The following VOPP1 variants were observed in gnomAD, a reference collection of about 807,000 sequenced individuals.
The protein encoded by VOPP1 is WW domain binding protein VOPP1.
A neutral mutation model predicts 23.5 loss-of-function variants in VOPP1; 8 were observed. That is an observed-to-expected ratio of 0.34 (90% CI 0.20 to 0.61). The LOEUF (loss-of-function observed/expected upper bound fraction) is 0.61. Among genes scored for constraint, VOPP1 ranks in the 20% least tolerant of loss-of-function variants. The probability of loss-of-function intolerance (pLI) is 0.78; values close to 1 mark genes in which losing one functional copy is unlikely to be tolerated. For missense variants in VOPP1, 174 were observed against 238.1 expected, an observed-to-expected ratio of 0.73 and a Z score of 1.77; for synonymous variants, 83 against 97.3, an observed-to-expected ratio of 0.85 and a Z score of 0.86.
intron 2 of VOPP1, among the ~76,000 whole-genome samples, chr7:55,499,207 C>G (rs376939923): frequency 9.7e-4 from 147 of 152,222 alleles, no homozygotes; most frequent in African/African-American, 3.3e-3. Flanking sequence ...AATCTCAGCA[C>G]TTTGGGAGGC....
In VOPP1 at chr7:55,521,144, C is replaced by G. The variant is rs1795822766; in HGVS notation, c.55-14G>C. ...GGCTTCTGTGCACTGCAAATAGAAG[C>G]AAGAAAAAGTTTGTCAGTACTCAGG... On this transcript the variant is annotated splice_polypyrimidine_tract_variant and intron_variant, in intron 1 of 4. Coordinates refer to ENST00000285279, the MANE Select transcript of VOPP1 (RefSeq NM_030796.5). 1 of 1,568,402 alleles carries G rather than the reference C, an allele frequency of 6.4e-7. No homozygotes were observed. Among genetic ancestry groups the G allele is most frequent in the Non-Finnish European group, 8.7e-7 (1 of 1,155,740 alleles).
At chr7:55,537,498 C>G (rs1308428240) in intron 1 of VOPP1, 1 of 1,536,038 alleles carries the variant, frequency 6.5e-7, no homozygotes, top group African/African-American at 1.4e-5. Flanking sequence ...GCCGAGCAAG[C>G]ACCTGAGCAT....
chr7:55,520,613 G>A (rs1795775903), intron 2 of VOPP1, among the ~76,000 whole-genome samples: 1 of 152,216 alleles, frequency 6.6e-6, no homozygotes, highest in Non-Finnish European at 1.5e-5. Context: ...TCTCTGGCGA[G>A]GAGGCCTCAG....
chr7:55,520,117 A>C (rs1795742887), intron 2 of VOPP1, among the ~76,000 whole-genome samples: 1 of 152,034 alleles, frequency 6.6e-6, no homozygotes, highest in Non-Finnish European at 1.5e-5. Flanking sequence ...ATACAGCAGG[A>C]CTCCACCTCA....
intron 2 of VOPP1, among the ~76,000 whole-genome samples, chr7:55,510,401 G>A (rs1431104016): frequency 6.6e-6 from 1 of 152,092 alleles, no homozygotes; most frequent in East Asian, 1.9e-4. Context: ...AAACTTGTTT[G>A]TGGAGGCCTG....
At chr7:55,506,373 T>G (rs1794722292) in intron 2 of VOPP1, among the ~76,000 whole-genome samples, 2 of 152,278 alleles carry the variant, frequency 1.3e-5, no homozygotes, top group African/African-American at 4.8e-5. Context: ...TTTGCTCTTG[T>G]GGCCCAGGCT....
At chr7:55,497,572 A>T in intron 3 of VOPP1, 41 bp downstream of exon 3, 2 of 892,860 alleles carry the variant, frequency 2.2e-6, no homozygotes, top group Non-Finnish European at 3.4e-6. Flanking sequence ...GGGGGGGGGC[A>T]GAGCTCTCGG....
intron 4 of VOPP1, among the ~76,000 whole-genome samples, 183 bp downstream of exon 4, chr7:55,492,099 C>T (rs901304774): frequency 6.6e-6 from 1 of 152,118 alleles, no homozygotes; most frequent in Non-Finnish European, 1.5e-5. Flanking sequence ...GACGGGCGTG[C>T]GATATACCTT....
intron 1 of VOPP1, chr7:55,552,641 C>T (rs1797656443): frequency 1.3e-6 from 2 of 1,535,900 alleles, no homozygotes; most frequent in Admixed American, 3.9e-5. Context: ...TCCAAAGTTG[C>T]CCTTTTCCTA....
chr7:55,479,525 T>C (rs577173875), intron 4 of VOPP1, among the ~76,000 whole-genome samples: 2 of 152,288 alleles, frequency 1.3e-5, no homozygotes, highest in African/African-American at 4.8e-5. Context: ...TCTCCAGGAT[T>C]TTTAGGTAAG....
intron 4 of VOPP1, among the ~76,000 whole-genome samples, chr7:55,487,932 C>T (rs1793265533): frequency 6.6e-6 from 1 of 152,230 alleles, no homozygotes; most frequent in Non-Finnish European, 1.5e-5. Flanking sequence ...ACATTTTCTC[C>T]ACCGTTCTAC....
chr7:55,516,924 ATATATATATTTTTTTTTTTT>A (rs1411298726), intron 2 of VOPP1, among the ~76,000 whole-genome samples: 6 of 43,056 alleles, frequency 1.4e-4, no homozygotes, highest in African/African-American at 7.1e-4. Context: ...ATATATATAT[ATATATATATTTTTTTTTTTT>A]TTTTTTTTTT....
intron 4 of VOPP1, among the ~76,000 whole-genome samples, chr7:55,458,379 C>T (rs879492552): frequency 2.0e-5 from 3 of 151,988 alleles, no homozygotes; most frequent in Admixed American, 2.0e-4. Context: ...TTCTTTTTTG[C>T]TCAGGGTTGC....
At chr7:55,527,447 C>T (rs1796254772) in intron 1 of VOPP1, among the ~76,000 whole-genome samples, 3 of 152,194 alleles carry the variant, frequency 2.0e-5, no homozygotes, top group Admixed American at 6.5e-5. Context: ...CAGCAAATAA[C>T]GATCAGAGAT....
intron 4 of VOPP1, among the ~76,000 whole-genome samples, chr7:55,482,408 C>T (rs181523293): frequency 0.012 from 1,705 of 146,374 alleles, 14 homozygotes; most frequent in Middle Eastern, 0.019. Flanking sequence ...AGTGCAGTGG[C>T]GCTATCTAGG....
At chr7:55,571,341 A>G (rs997272416) in intron 1 of VOPP1, among the ~76,000 whole-genome samples, 1 of 152,232 alleles carries the variant, frequency 6.6e-6, no homozygotes, top group Non-Finnish European at 1.5e-5. Flanking sequence ...ACCAATCACT[A>G]ACTATTAAGG....
At chr7:55,445,414 T>C (rs1412724367) in intron 4 of VOPP1, among the ~76,000 whole-genome samples, 1 of 152,220 alleles carries the variant, frequency 6.6e-6, no homozygotes, top group Non-Finnish European at 1.5e-5. Flanking sequence ...AATACCAGTA[T>C]TGCACCTGAG....
chr7:55,530,204 T>G (rs1335789855), intron 1 of VOPP1, among the ~76,000 whole-genome samples: 7 of 152,020 alleles, frequency 4.6e-5, no homozygotes, highest in Admixed American at 1.3e-4. Context: ...TACTTTACAT[T>G]CCCATCAACA....
chr7:55,441,469 C>A (rs1790963231), intron 4 of VOPP1, among the ~76,000 whole-genome samples: 1 of 152,206 alleles, frequency 6.6e-6, no homozygotes, highest in Admixed American at 6.5e-5. Flanking sequence ...AGAGTGGTCT[C>A]TGGCATTAGA....
Sources: allele counts gnomAD v4.1 joint callset (sites outside exome capture counted in the v4.1 genomes callset), GRCh38; gene constraint gnomAD v4.1.1; transcripts MANE v1.5; gene names NCBI Gene and HGNC (gene_info 2026-07-23, HGNC 2026-07-21).